The following ASIC2 variants were observed in gnomAD, a reference collection of about 807,000 sequenced individuals.
The protein encoded by ASIC2 is acid sensing ion channel subunit 2.
ASIC2 carries 25 observed loss-of-function variants against 57.3 expected under a neutral mutation model. The observed-to-expected ratio is 0.44, with a 90% confidence interval of 0.32 to 0.61. ASIC2 has a LOEUF of 0.61. Ranked by LOEUF, ASIC2 falls within the 20% of genes least tolerant of loss-of-function variation. The probability of loss-of-function intolerance (pLI) is 0.06; values close to 1 mark genes in which losing one functional copy is unlikely to be tolerated. For synonymous variants in ASIC2, 319 were observed against 307.5 expected (o/e 1.04, Z -0.39); for missense variants, 641 against 738.1 (o/e 0.87, Z 1.52).
intron 1 of ASIC2, among the ~76,000 whole-genome samples, chr17:33,523,529 A>T (rs1914803367): frequency 6.6e-6 from 1 of 152,104 alleles, no homozygotes; most frequent in Non-Finnish European, 1.5e-5. Context: ...AAGTACTGGG[A>T]TTGCAGGCGT....
chr17:33,103,759 G>T (rs2092224022), intron 2 of ASIC2, among the ~76,000 whole-genome samples: 1 of 152,180 alleles, frequency 6.6e-6, no homozygotes, highest in African/African-American at 2.4e-5. Flanking sequence ...CCACTACTCA[G>T]GAAGTAGAAT....
intron 1 of ASIC2, among the ~76,000 whole-genome samples, chr17:33,825,240 A>C (rs1912870885): frequency 6.6e-6 from 1 of 152,200 alleles, no homozygotes; most frequent in Admixed American, 6.5e-5. Flanking sequence ...TTGTCTCTAG[A>C]GGCAGCAAGG....
At chr17:33,882,912 T>G (rs1416706377) in intron 1 of ASIC2, among the ~76,000 whole-genome samples, 1 of 152,164 alleles carries the variant, frequency 6.6e-6, no homozygotes, top group African/African-American at 2.4e-5. Context: ...ATATACACCA[T>G]GGAATACTAT....
intron 1 of ASIC2, among the ~76,000 whole-genome samples, chr17:33,971,034 G>A (rs1905214667): frequency 6.6e-6 from 1 of 152,118 alleles, no homozygotes; most frequent in South Asian, 2.1e-4. Flanking sequence ...TTTCTCCTCT[G>A]GGCTGCTTCC....
At chr17:33,644,637 C>T (rs1043907975) in intron 1 of ASIC2, among the ~76,000 whole-genome samples, 9 of 152,162 alleles carry the variant, frequency 5.9e-5, no homozygotes, top group African/African-American at 2.2e-4. Context: ...TACCTTAATG[C>T]ATTGTATTGG....
At chr17:33,674,777 G>A (rs1033150810) in intron 1 of ASIC2, among the ~76,000 whole-genome samples, 4 of 152,174 alleles carry the variant, frequency 2.6e-5, no homozygotes, top group African/African-American at 7.2e-5. Flanking sequence ...AAGAAGCAAT[G>A]TTGCTCTCTT....
Position 33,559,986 on chromosome 17 carries a change from A to G in ASIC2, c.556-447919T>C, listed in dbSNP as rs1015201030. On this transcript the variant is annotated intron_variant, in intron 1 of 9. Transcript: ENST00000359872. Reference sequence around the variant, plus strand: ...TCAGGATGCTGACTACAAATTACTCAAAGGCCTCATGTGCAGAAAATGTGA... The same window carrying G: ...TCAGGATGCTGACTACAAATTACTCGAAGGCCTCATGTGCAGAAAATGTGA... 3.6e-4 allele frequency among the ~76,000 whole-genome samples: 55 copies of G among 152,238 alleles called. 1 individual carries two copies. The highest frequency in any genetic ancestry group is 1.3e-3 in the African/African-American group (55 of 41,462).
chr17:34,007,070 A>G (rs1906551923), intron 1 of ASIC2, among the ~76,000 whole-genome samples: 1 of 152,230 alleles, frequency 6.6e-6, no homozygotes, highest in East Asian at 1.9e-4. Flanking sequence ...GAAGACCACA[A>G]TATGAAGGAC....
chr17:33,115,571 A>G (rs969568343), intron 1 of ASIC2, among the ~76,000 whole-genome samples: 1 of 152,120 alleles, frequency 6.6e-6, no homozygotes, highest in African/African-American at 2.4e-5. Flanking sequence ...TCTGCCTAGA[A>G]TGTTCTGGCG....
chr17:33,283,463 T>C (rs1373731684), intron 1 of ASIC2, among the ~76,000 whole-genome samples: 1 of 152,202 alleles, frequency 6.6e-6, no homozygotes, highest in South Asian at 2.1e-4. Context: ...TTGAGAAGCG[T>C]AGCCCCCTTA....
intron 3 of ASIC2, among the ~76,000 whole-genome samples, chr17:33,038,150 C>T (rs2091916689): frequency 6.6e-6 from 1 of 152,168 alleles, no homozygotes; most frequent in South Asian, 2.1e-4. Flanking sequence ...TTTTAGTTTC[C>T]TTATCTGATT....
chr17:33,045,144 A>G (rs924296501), intron 3 of ASIC2, among the ~76,000 whole-genome samples: 1 of 152,126 alleles, frequency 6.6e-6, no homozygotes, highest in Non-Finnish European at 1.5e-5. Context: ...ACAGTTCTCC[A>G]TAATTGTTAA....
At chr17:34,129,470 T>C (rs1229444326) in intron 1 of ASIC2, among the ~76,000 whole-genome samples, 6 of 152,294 alleles carry the variant, frequency 3.9e-5, no homozygotes, top group Middle Eastern at 6.8e-3. Context: ...TACACACACA[T>C]ACCACAGGGT....
chr17:33,404,973 G>A (rs989073739), intron 1 of ASIC2, among the ~76,000 whole-genome samples: 3 of 152,004 alleles, frequency 2.0e-5, no homozygotes, highest in African/African-American at 4.8e-5. Flanking sequence ...ATAAGCAGTG[G>A]GAGCTACTGA....
chr17:33,368,496 A>T (rs1440830024), intron 1 of ASIC2, among the ~76,000 whole-genome samples: 1 of 152,212 alleles, frequency 6.6e-6, no homozygotes, highest in Non-Finnish European at 1.5e-5. Context: ...TGACCCAAAG[A>T]GGGCATGAGT....
intron 1 of ASIC2, among the ~76,000 whole-genome samples, chr17:33,285,540 T>C (rs1173073115): frequency 6.6e-6 from 1 of 152,246 alleles, no homozygotes; most frequent in Non-Finnish European, 1.5e-5. Flanking sequence ...ATTTGGCTCA[T>C]GCCCTCATAT....
At chr17:33,032,181 T>C (rs2091886224) in intron 3 of ASIC2, among the ~76,000 whole-genome samples, 1 of 152,194 alleles carries the variant, frequency 6.6e-6, no homozygotes, top group Admixed American at 6.5e-5. Flanking sequence ...TTTCTAGTTC[T>C]CCTTTTGTTC....
rs929134490 is a variant in ASIC2 at position 33,998,525 on chromosome 17, G to C, written c.555+157453C>G. Among the ~76,000 whole-genome samples the C allele has an allele frequency of 2.0e-5, 3 of 152,074 alleles. No individual in the cohort carries two copies. In the East Asian group the frequency reaches 5.8e-4, roughly 29 times the overall value. On this transcript the variant is annotated intron_variant, in intron 1 of 9. Transcript: ENST00000359872. ...TTTATTGCTATAAACCTCCCTCTTA[G>C]AGCAGTGTTTTTCTGTATCCCATAA...
At chr17:33,728,537 C>T (rs1477689875) in intron 1 of ASIC2, among the ~76,000 whole-genome samples, 3 of 152,098 alleles carry the variant, frequency 2.0e-5, no homozygotes, top group East Asian at 2.0e-4. Context: ...TCTGACCTTT[C>T]CTTAGAGACC....
Sources: gnomAD v4.1 joint callset for allele counts (sites outside exome capture counted in the v4.1 genomes callset) on GRCh38, gnomAD v4.1.1 for gene constraint, MANE v1.5 for transcripts, NCBI Gene and HGNC (gene_info 2026-07-23, HGNC 2026-07-21) for gene names.